The following PLCH2 variants were observed in gnomAD, a reference collection of about 807,000 sequenced individuals.
PLCH2 encodes the protein 1-phosphatidylinositol 4,5-bisphosphate phosphodiesterase eta-2.
PLCH2 carries 98 observed loss-of-function variants against 134.7 expected under a neutral mutation model. The observed-to-expected ratio is 0.73, with a 90% CI of 0.62 to 0.86. PLCH2 has a LOEUF of 0.86. Ranked by LOEUF, PLCH2 falls within the 40% of genes least tolerant of loss-of-function variation. The pLI, the probability that PLCH2 is intolerant of heterozygous loss-of-function variation, is 0.00. For synonymous variants in PLCH2, 974 were observed against 827.5 expected, an observed-to-expected ratio of 1.18 and a Z score of -3.04; for missense variants, 1,994 against 1,986.6, an observed-to-expected ratio of 1.00 and a Z score of -0.07.
chr1:2,423,360 T>A (rs527741002), upstream of PLCH2, among the ~76,000 whole-genome samples: 8 of 152,192 alleles, frequency 5.3e-5, no homozygotes, highest in South Asian at 1.7e-3. Context: ...GCTATTTTTT[T>A]TAAAGAGATG....
In PLCH2 at chr1:2,480,315, G is replaced by A; in HGVS notation, c.645+3G>A. The A allele has an allele frequency of 6.2e-7, 1 of 1,610,790 alleles. No individual in the cohort carries two copies. Reference sequence around the variant, plus strand: ...AGAGGGTGAAGCAGATGTTCAGGGTGAGCTGGGGGGAGCCCTACCTGGGCT... The same window carrying A: ...AGAGGGTGAAGCAGATGTTCAGGGTAAGCTGGGGGGAGCCCTACCTGGGCT... On this transcript the variant is annotated splice_donor_region_variant and intron_variant, in intron 4 of 21. Transcript: ENST00000378486.
intron 2 of PLCH2, among the ~76,000 whole-genome samples, chr1:2,440,982 C>T (rs1310827594): frequency 6.6e-6 from 1 of 152,174 alleles, no homozygotes; most frequent in African/African-American, 2.4e-5. Flanking sequence ...CCCGGGTGGT[C>T]CTGCCCCCAG....
Position 2,478,525 on chromosome 1 carries a change from G to A in PLCH2, c.174G>A (p.Leu58=). The A allele has an allele frequency of 6.2e-7, 1 of 1,612,926 alleles. No homozygotes were observed. Among genetic ancestry groups the A allele is most frequent in the Non-Finnish European group, 8.5e-7 (1 of 1,179,798 alleles). ...AMQEGMQMVK[L]RGGSKGLVRF... Reference sequence around the variant, plus strand: ...AAGAGGGGATGCAGATGGTGAAGCTGCGTGGCGGCTCCAAGGGCCTGGTCC... The same window carrying A: ...AAGAGGGGATGCAGATGGTGAAGCTACGTGGCGGCTCCAAGGGCCTGGTCC... Residue 58 remains leucine, a synonymous_variant, in exon 2 of 22, where the codon CTG becomes CTA. Coordinates refer to ENST00000378486, the MANE Select transcript of PLCH2 (RefSeq NM_014638.4).
At chr1:2,472,316 C>T (rs981228215), upstream of PLCH2, among the ~76,000 whole-genome samples, 1 of 152,180 alleles carries the variant, frequency 6.6e-6, no homozygotes, top group Non-Finnish European at 1.5e-5. Context: ...CCAGTGAGCA[C>T]TGTGGCTGGG....
At chr1:2,503,850 C>T (rs1294410430) in intron 21 of PLCH2, 72 bp from the exon 22 acceptor site, 4 of 651,732 alleles carry the variant, frequency 6.1e-6, no homozygotes, top group Non-Finnish European at 8.4e-6. Flanking sequence ...TCCTCTCCGC[C>T]TCTCTCCCTG....
In PLCH2 at chr1:2,504,486, C is replaced by A; in HGVS notation, c.3524C>A (p.Ala1175Asp). Residue 1175 changes from alanine (A) to aspartate (D), a missense_variant, in exon 22 of 22, where the codon GCC becomes GAC. Around this residue, in one of 2 missense-constraint regions of PLCH2, gnomAD observed 900 missense variants for 752.3 expected, o/e 1.20. Coordinates refer to ENST00000378486, the MANE Select transcript of PLCH2 (RefSeq NM_014638.4). ...LGRSRENLAG[A>D]HMGRLPPRPH... ...CGCAGCCGTGAGAACCTCGCTGGAG[C>A]CCACATGGGACGCCTGCCCCCCAGG... 6.2e-7 allele frequency: 1 copy of A among 1,612,488 alleles called. No homozygotes were observed. Among genetic ancestry groups the A allele is most frequent in the Non-Finnish European group, 8.5e-7 (1 of 1,179,704 alleles).
chr1:2,468,127 G>T (rs1451066896), intron 1 of PLCH2, among the ~76,000 whole-genome samples: 1 of 152,174 alleles, frequency 6.6e-6, no homozygotes, highest in Non-Finnish European at 1.5e-5. Context: ...TTTGGCTCTG[G>T]GGGCTCTCCT....
intron 2 of PLCH2, among the ~76,000 whole-genome samples, chr1:2,455,710 G>C (rs879719763): frequency 6.6e-6 from 1 of 152,174 alleles, no homozygotes; most frequent in Admixed American, 6.5e-5. Flanking sequence ...AGATGGAGGC[G>C]GGAGGCTCCC....
At chr1:2,428,408 G>A (rs1010908509) in intron 1 of PLCH2, among the ~76,000 whole-genome samples, 12 of 152,334 alleles carry the variant, frequency 7.9e-5, no homozygotes, top group South Asian at 2.1e-4. Flanking sequence ...AAGTAAGGGC[G>A]CCACTCTGGG....
At chr1:2,494,991 T>A in intron 12 of PLCH2, 43 bp downstream of exon 12, 2 of 1,294,828 alleles carry the variant, frequency 1.5e-6, no homozygotes, top group Non-Finnish European at 2.1e-6. Flanking sequence ...CTGGGCCCAG[T>A]GTCCTCCCTG....
intron 2 of PLCH2, among the ~76,000 whole-genome samples, chr1:2,431,330 C>T (rs1028830778): frequency 2.0e-5 from 3 of 151,224 alleles, no homozygotes; most frequent in African/African-American, 7.3e-5. Context: ...TGCCCAAGTG[C>T]GTGTGTGTGT....
In PLCH2 at chr1:2,502,252, C is replaced by A; in HGVS notation, c.2802C>A (p.Thr934=). ...TGCGGCGCACGGCCAGCGCCCCGAC[C>A]AAGAGCCAGAAGCCGGGCCGCAGGG... ...RILRRTASAP[T]KSQKPGRRGF... is the part of the protein sequence containing the mutation. The change falls in exon 21 of 22, where the codon ACC becomes ACA. Residue 934 remains threonine, a synonymous_variant. Coordinates refer to ENST00000378486, the MANE Select transcript of PLCH2 (RefSeq NM_014638.4). 6.5e-7 allele frequency: 1 copy of A among 1,541,790 alleles called. No homozygotes were observed.
In PLCH2 at chr1:2,498,633, G is replaced by T; in HGVS notation, c.2335G>T (p.Gly779Trp). The change falls in exon 17 of 22, where the codon GGG becomes TGG. Residue 779 changes from glycine (G) to tryptophan (W), a missense_variant. Around this residue, in one of 2 missense-constraint regions of PLCH2, gnomAD observed 1,094 missense variants for 1,234.3 expected, o/e 0.89. Transcript: ENST00000378486. The surrounding 1 kb of genome is among the most constrained non-coding windows in gnomAD (Gnocchi z 5.4). ...TCCCAAGCCGCGCGACTCCATGCTG[G>T]GGGACCGTGGGGAGGTGGGGGCCAG... ...QLPKPRDSML[G>W]DRGEIIDPFV... 1 of 1,572,894 alleles carries T rather than the reference G, an allele frequency of 6.4e-7. No individual in the cohort carries two copies. The highest frequency in any genetic ancestry group is 2.3e-5 in the East Asian group (1 of 42,810).
intron 2 of PLCH2, among the ~76,000 whole-genome samples, chr1:2,440,126 C>T (rs1223527483): frequency 2.7e-4 from 41 of 152,132 alleles, no homozygotes; most frequent in Admixed American, 2.7e-3. Flanking sequence ...CCCTGGGTGC[C>T]AGGCTGAGGG....
chr1:2,443,678 C>T (rs1301507068), intron 2 of PLCH2, among the ~76,000 whole-genome samples: 40 of 149,108 alleles, frequency 2.7e-4, no homozygotes, highest in Non-Finnish European at 3.0e-5. Flanking sequence ...CCGCGGAGCC[C>T]GCGCCCCCGG....
chr1:2,465,723 A>G (rs1024569400), upstream of PLCH2, among the ~76,000 whole-genome samples: 22 of 152,214 alleles, frequency 1.4e-4, no homozygotes, highest in African/African-American at 5.1e-4. Flanking sequence ...ACCGCCTTTA[A>G]TCGCAGGCCG....
At position 2,491,296 on chromosome 1, in the gene PLCH2, C is replaced by T. The variant is rs373965185; in HGVS notation, c.1620C>T (p.Ser540=). Residue 540 remains serine, a synonymous_variant, in exon 11 of 22, where the codon TCC becomes TCT. Transcript: ENST00000378486. ...ACTGTGAGGACCCCAACAACTTCTC[C>T]GTCTCCACACTGTCCCCATCTGGAA... The part of the protein sequence containing the change: ...IRDCEDPNNF[S]VSTLSPSGKL... 36 of 1,613,314 alleles carry T rather than the reference C, an allele frequency of 2.2e-5. No individual in the cohort carries two copies. The African/African-American group carries it at 2.4e-4, about 11-fold the overall frequency.
In PLCH2 at chr1:2,444,067, C is replaced by T. The variant is rs6678847; in HGVS notation, c.115+13438C>T. Among the ~76,000 whole-genome samples the T allele has an allele frequency of 0.49, 74,502 of 152,070 alleles. 19,048 individuals carry two copies. The highest frequency in any genetic ancestry group is 0.79 in the East Asian group (4,079 of 5,142). On this transcript the variant is annotated intron_variant, in intron 2 of 3. Transcript: ENST00000609981. This position sits in a 1 kb window ranked among gnomAD's most constrained non-coding sequence, Gnocchi z 4.6. ...GCCCTGGTGCGGGTCGGGGCTGAGC[C>T]GCCTGGGCTTCAGACTCGGGAGCGG...
chr1:2,503,569 C>T, intron 21 of PLCH2: 1 of 685,824 alleles, frequency 1.5e-6, no homozygotes, highest in Non-Finnish European at 2.7e-6. Context: ...CCTCCAGACC[C>T]CCCTGACCAA....
Sources: gnomAD v4.1 joint callset for allele counts (sites outside exome capture counted in the v4.1 genomes callset) on GRCh38, gnomAD v4.1.1 for gene constraint, gnomAD v4.1.1 regional missense constraint, Gnocchi (gnomAD v3.1) non-coding constraint, MANE v1.5 for transcripts, NCBI Gene and HGNC (gene_info 2026-07-23, HGNC 2026-07-21) for gene names.